The following DIS3L variants were observed in gnomAD, a reference collection of about 807,000 sequenced individuals.
DIS3L encodes DIS3 like exosome 3'-5' exoribonuclease, also known as DIS3-like exonuclease 1.
Under a neutral mutation model 120.3 loss-of-function variants are expected in DIS3L, and 100 were observed. That is an observed-to-expected ratio of 0.83 (90% CI 0.71 to 0.98). DIS3L has a LOEUF of 0.98. DIS3L is among the 50% of genes least tolerant of loss of function. The pLI, the probability that DIS3L is intolerant of heterozygous loss-of-function variation, is 0.00. For synonymous variants in DIS3L, 426 were observed against 470.6 expected, an observed-to-expected ratio of 0.91 and a Z score of 1.23; for missense variants, 1,196 against 1,314.2, an observed-to-expected ratio of 0.91 and a Z score of 1.39.
At chr15:66,305,166 A>C (rs2092691907) in intron 2 of DIS3L, among the ~76,000 whole-genome samples, 1 of 151,126 alleles carries the variant, frequency 6.6e-6, no homozygotes, top group African/African-American at 2.4e-5. Flanking sequence ...ACGCCCGGCT[A>C]ATTTTTTGTA....
At position 66,326,542 on chromosome 15, in the gene DIS3L, A is replaced by G. The variant is rs1159665320; in HGVS notation, c.2201+178A>G. 92 of 716,512 alleles carry G rather than the reference A, an allele frequency of 1.3e-4. No individual in the cohort carries two copies. In the Middle Eastern group the frequency reaches 2.0e-3, roughly 16 times the overall value. The allele number at this position is 716,512 out of a possible 1,614,324, so 44.4% of individuals were successfully genotyped here. ...CTTCATTGTTATGTATAGAGACTTAAAACAAGTTTATTTAGGCATAATTTT... is the reference window on the plus strand; with the variant it reads ...CTTCATTGTTATGTATAGAGACTTAGAACAAGTTTATTTAGGCATAATTTT... On this transcript the variant is annotated intron_variant, in intron 12 of 16. Transcript: ENST00000319212.
intron 14 of DIS3L, among the ~76,000 whole-genome samples, chr15:66,331,080 G>A (rs1048167589): frequency 1.2e-4 from 18 of 151,868 alleles, no homozygotes; most frequent in Non-Finnish European, 1.2e-4. Context: ...ACTTGAACCC[G>A]GGAGGCAGAG....
At position 66,326,206 on chromosome 15, in the gene DIS3L, G is replaced by A. The variant is rs1480795795; in HGVS notation, c.2043G>A (p.Val681=). Residue 681 remains valine (V), a synonymous_variant, in exon 12 of 17, where the codon GTG becomes GTA. Coordinates refer to ENST00000319212, the MANE Select transcript of DIS3L (RefSeq NM_001143688.3). ...AGCCCCTGGAAGTCCACGAGACAGT[G>A]GCTGAATGCATGATCCTGGCCAACC... is the stretch of plus-strand genomic sequence containing the variant. ...PKQPLEVHET[V]AECMILANHW... The A allele has an allele frequency of 1.2e-6, 2 of 1,614,220 alleles. No individual in the cohort carries two copies. The highest frequency in any genetic ancestry group is 1.7e-5 in the Admixed American group (1 of 60,028).
At chr15:66,332,514 G>GTA (rs1315039294) in intron 15 of DIS3L, among the ~76,000 whole-genome samples, 85 of 74,758 alleles carry the variant, frequency 1.1e-3, no homozygotes, top group African/African-American at 2.6e-3. Flanking sequence ...GTGTGTGTGT[G>GTA]TATATATATA....
In DIS3L at chr15:66,300,841, G is replaced by A. The variant is rs79016995; in HGVS notation, c.293+5700G>A. 2.0e-3 allele frequency among the ~76,000 whole-genome samples: 304 copies of A among 152,374 alleles called. 1 individual carries two copies. The highest frequency in any genetic ancestry group is 6.9e-3 in the African/African-American group (287 of 41,598). ...CGCACTGACGCCAAATGGCAGTGCA[G>A]TTAGAAGGCAGTCGTTCAGATGGCC... On this transcript the variant is annotated intron_variant, in intron 2 of 16. Transcript: ENST00000319212.
intron 2 of DIS3L, among the ~76,000 whole-genome samples, chr15:66,296,940 A>C (rs2092594137): frequency 6.6e-6 from 1 of 152,228 alleles, no homozygotes; most frequent in African/African-American, 2.4e-5. Context: ...AACGTGGACT[A>C]TGCAAAGTGC....
At chr15:66,301,167 T>C (rs1488934970) in intron 2 of DIS3L, among the ~76,000 whole-genome samples, 1 of 152,182 alleles carries the variant, frequency 6.6e-6, no homozygotes, top group Non-Finnish European at 1.5e-5. Context: ...AAGGTAGGTT[T>C]AACTGCCCCT....
rs1376600333 is a variant in DIS3L at position 66,307,038 on chromosome 15, T to C, written c.422+86T>C. The C allele has an allele frequency of 5.8e-6, 9 of 1,555,772 alleles. No individual in the cohort carries two copies. The African/African-American group carries it at 1.1e-4, about 19-fold the overall frequency. On this transcript the variant is annotated intron_variant, in intron 3 of 16. Coordinates refer to ENST00000319212, the MANE Select transcript of DIS3L (RefSeq NM_001143688.3). ...GCTGTTTGGGAGTTGATCTAAATAGTCTGCTAGAACAAACCAACAATTATT... is the reference window on the plus strand; with the variant it reads ...GCTGTTTGGGAGTTGATCTAAATAGCCTGCTAGAACAAACCAACAATTATT...
intron 7 of DIS3L, among the ~76,000 whole-genome samples, chr15:66,315,910 G>T (rs873166): frequency 0.069 from 10,498 of 152,080 alleles, 1,206 homozygotes; most frequent in African/African-American, 0.24. Flanking sequence ...TTTGGCAGGG[G>T]CCCTCTGCCT....
intron 8 of DIS3L, 137 bp downstream of exon 8, chr15:66,318,755 C>A: frequency 1.0e-6 from 1 of 958,268 alleles, no homozygotes; most frequent in Non-Finnish European, 1.5e-6. Flanking sequence ...TCTGGCATTC[C>A]AAGATACTGG....
rs555741250 is a variant in DIS3L, at chr15:66,333,547, G to A, written c.*235G>A. On this transcript the variant is annotated 3_prime_UTR_variant, in exon 17 of 17. Coordinates refer to ENST00000319212, the MANE Select transcript of DIS3L (RefSeq NM_001143688.3). ...AGATTGAGACCATCCTGGCTAACAC[G>A]GTGAAACCCAGTCTCTACTAAAAAT... is the stretch of plus-strand genomic sequence containing the variant. 11 of 324,700 alleles carry A rather than the reference G, an allele frequency of 3.4e-5. No individual in the cohort carries two copies. The South Asian group carries it at 3.4e-4, about 10-fold the overall frequency. The allele number at this position is 324,700 out of a possible 1,614,324, so 20.1% of individuals were successfully genotyped here.
chr15:66,323,751 C>CTTTA, intron 11 of DIS3L, among the ~76,000 whole-genome samples, 166 bp downstream of exon 11: 1 of 152,086 alleles, frequency 6.6e-6, no homozygotes, highest in Non-Finnish European at 1.5e-5. Context: ...CACCACTTAT[C>CTTTA]TTTAGGCAGC....
chr15:66,333,249 C>A lies in DIS3L; in HGVS notation c.3102C>A (p.Tyr1034Ter). The A allele has an allele frequency of 6.2e-7, 1 of 1,614,054 alleles. No homozygotes were observed. Among genetic ancestry groups the A allele is most frequent in the Non-Finnish European group, 8.5e-7 (1 of 1,180,026 alleles). Reference sequence around the variant, plus strand: ...GCCAAACAAAGGGAAGGAGCCTATACACACTTCTAGAGGAGATACGGGACC... The same window carrying A: ...GCCAAACAAAGGGAAGGAGCCTATAAACACTTCTAGAGGAGATACGGGACC... ...EYRQTKGRSL[Y>*]TLLEEIRDLA... The change falls in exon 17 of 17, where the codon TAC becomes TAA. Residue 1034 changes from tyrosine to a stop codon, truncating the protein, a stop_gained. Coordinates refer to ENST00000319212, the MANE Select transcript of DIS3L (RefSeq NM_001143688.3). LOFTEE classifies it high-confidence loss of function.
chr15:66,332,044 T>G, intron 15 of DIS3L, 24 bp downstream of exon 15: 5 of 1,586,464 alleles, frequency 3.2e-6, no homozygotes, highest in Non-Finnish European at 4.3e-6. Context: ...AATGCAATGG[T>G]GCATAAGAAA....
At chr15:66,294,247 A>T in intron 1 of DIS3L, 1 of 985,354 alleles carries the variant, frequency 1.0e-6, no homozygotes. Context: ...TAGATTTGTG[A>T]ACTCTCTGGG....
At position 66,308,657 on chromosome 15, in the gene DIS3L, GA is replaced by G. The variant is rs572427980; in HGVS notation, c.423-51del. ...AAGCCAGATGTGAAATTCTGAACAA[GA>G]GCTTGTGTTTGTCTGCCTGGGGAGA... On this transcript the variant is annotated intron_variant, in intron 3 of 16. Transcript: ENST00000319212. The G allele has an allele frequency of 1.5e-4, 242 of 1,571,134 alleles. No homozygotes were observed. In the African/African-American group the frequency reaches 3.0e-3, roughly 20 times the overall value.
At chr15:66,311,123 G>A (rs147534627) in intron 4 of DIS3L, among the ~76,000 whole-genome samples, 1,973 of 151,860 alleles carry the variant, frequency 0.013, 19 homozygotes, top group Middle Eastern at 0.031. Flanking sequence ...CAGCACTGTG[G>A]GTGGCCAGGG....
At chr15:66,329,608 G>A (rs1013243082) in intron 14 of DIS3L, 32 of 1,259,028 alleles carry the variant, frequency 2.5e-5, no homozygotes, top group African/African-American at 6.2e-5. Context: ...TTTTTTTTCC[G>A]AAAGGTGGAA....
At position 66,333,116 on chromosome 15, in the gene DIS3L, C is replaced by T; in HGVS notation, c.2969C>T (p.Pro990Leu). ...ACAGAACTTATTCATCAGAGTTCCC[C>T]CTTGCTGAAGAGTGAGTTAGTGAAA... ...PNTELIHQSS[P>L]LLKSELVKEV... The change falls in exon 17 of 17, where the codon CCC (proline) becomes CTC (leucine). Residue 990 changes from proline (P) to leucine (L), a missense_variant. Coordinates refer to ENST00000319212, the MANE Select transcript of DIS3L (RefSeq NM_001143688.3). 3.1e-6 allele frequency: 5 copies of T among 1,613,424 alleles called. No individual in the cohort carries two copies. The highest frequency in any genetic ancestry group is 4.2e-6 in the Non-Finnish European group (5 of 1,180,014).
Sources: allele counts gnomAD v4.1 joint callset (sites outside exome capture counted in the v4.1 genomes callset), GRCh38; gene constraint gnomAD v4.1.1; transcripts MANE v1.5; gene names NCBI Gene and HGNC (gene_info 2026-07-23, HGNC 2026-07-21).